GPR180: variants seen among roughly 807,000 people sequenced by gnomAD.
GPR180 encodes the protein integral membrane protein GPR180.
A neutral mutation model predicts 52.6 loss-of-function variants in GPR180; 53 were observed. That is an observed-to-expected ratio of 1.01 (90% CI 0.81 to 1.27). The LOEUF (loss-of-function observed/expected upper bound fraction) is 1.27, where lower values mean the gene tolerates loss of function less well. GPR180 is among the 50% of genes most tolerant of loss of function. GPR180 has a pLI of 0.00. For synonymous variants in GPR180, 200 were observed against 193.1 expected (o/e 1.04, Z -0.30); for missense variants, 533 against 527.0 (o/e 1.01, Z -0.11).
chr13:94,607,244 G>C (rs150239230), intron 2 of GPR180, among the ~76,000 whole-genome samples: 4 of 152,268 alleles, frequency 2.6e-5, no homozygotes, highest in African/African-American at 9.6e-5. Context: ...AGTCTCCTAC[G>C]TGGTTATTTT....
chr13:94,601,974 G>A lies in GPR180; in HGVS notation c.47G>A (p.Trp16Ter). Residue 16 changes from tryptophan (W) to a stop codon, truncating the protein, a stop_gained, in exon 1 of 9, where the codon TGG becomes TAG. Coordinates refer to ENST00000376958, the MANE Select transcript of GPR180 (RefSeq NM_180989.6). LOFTEE classifies it high-confidence loss of function. ...LLAVALTCCW[W>*]PQGSQGKTLR... The stretch of plus-strand genomic sequence containing the variant: ...GCTGTGGCCCTCACGTGCTGCTGGT[G>A]GCCGCAGGGCAGCCAGGGTAAGACC... 6.7e-7 allele frequency: 1 copy of A among 1,496,064 alleles called. No homozygotes were observed. The highest frequency in any genetic ancestry group is 8.9e-7 in the Non-Finnish European group (1 of 1,127,976). The allele number at this position is 1,496,064 out of a possible 1,614,324, so 92.7% of individuals were successfully genotyped here. A position where few individuals can be genotyped will look rare whatever the true frequency, so the allele number is the denominator to read the frequency against.
At chr13:94,616,448 C>T (rs1174406928) in intron 3 of GPR180, among the ~76,000 whole-genome samples, 1 of 152,166 alleles carries the variant, frequency 6.6e-6, no homozygotes, top group Admixed American at 6.5e-5. Flanking sequence ...AGGACCCTTT[C>T]CCCTTAGGCT....
At chr13:94,613,883 T>A (rs1566978722) in intron 3 of GPR180, among the ~76,000 whole-genome samples, 5 of 150,732 alleles carry the variant, frequency 3.3e-5, no homozygotes, top group South Asian at 2.1e-4. Context: ...TTTTTTTTTT[T>A]AATTTTATTT....
chr13:94,619,577 T>C, intron 5 of GPR180, 60 bp downstream of exon 5: 1 of 1,351,776 alleles, frequency 7.4e-7, no homozygotes, highest in South Asian at 1.3e-5. Context: ...GCTTTTTTTT[T>C]ATTTCTTGTC....
chr13:94,616,533 T>C (rs542388545), intron 3 of GPR180, among the ~76,000 whole-genome samples: 6 of 152,318 alleles, frequency 3.9e-5, no homozygotes, highest in African/African-American at 1.4e-4. Context: ...TTCTTGCTAC[T>C]TTATTTTGCC....
At position 94,631,191 on chromosome 13, in the gene GPR180, G is replaced by C. The variant is rs1394592127; in HGVS notation, c.*4020G>C. 6.6e-6 allele frequency: 1 copy of C among 152,118 alleles called. No individual in the cohort carries two copies. Among genetic ancestry groups the C allele is most frequent in the Non-Finnish European group, 1.5e-5 (1 of 68,070 alleles). The allele number at this position is 152,118 out of a possible 1,614,324, so 9.4% of individuals were successfully genotyped here. ...CTGGACAACTCCATCATTCACACTGGAGGATTAGAGGCAGGGAGAGACCTG... is the reference window on the plus strand; with the variant it reads ...CTGGACAACTCCATCATTCACACTGCAGGATTAGAGGCAGGGAGAGACCTG... On this transcript the variant is annotated 3_prime_UTR_variant, in exon 9 of 9. Transcript: ENST00000376958.
intron 3 of GPR180, among the ~76,000 whole-genome samples, chr13:94,612,811 T>C (rs1430480720): frequency 6.6e-6 from 1 of 152,236 alleles, no homozygotes; most frequent in Non-Finnish European, 1.5e-5. Flanking sequence ...AATTAAACAA[T>C]TTAAATTGTT....
At chr13:94,624,924 T>C (rs550285485) in intron 7 of GPR180, among the ~76,000 whole-genome samples, 4 of 152,166 alleles carry the variant, frequency 2.6e-5, no homozygotes, top group African/African-American at 9.6e-5. Flanking sequence ...TTCCATCTCC[T>C]GGGGTCAAGC....
rs759313021 is a variant in GPR180, at chr13:94,619,125, C to T, written c.506-25C>T. On this transcript the variant is annotated intron_variant, in intron 3 of 8. Coordinates refer to ENST00000376958, the MANE Select transcript of GPR180 (RefSeq NM_180989.6). The stretch of plus-strand genomic sequence containing the variant: ...GATAACTGGCTTTGTTTTACTGAAG[C>T]AAACTCCCTTTCTTCTCTTCACAGG... The T allele has an allele frequency of 3.8e-6, 6 of 1,587,318 alleles. No homozygotes were observed. In the African/African-American group the frequency reaches 5.4e-5, roughly 14 times the overall value.
chr13:94,621,584 G>A (rs184386824), intron 6 of GPR180, among the ~76,000 whole-genome samples: 1 of 152,016 alleles, frequency 6.6e-6, no homozygotes, highest in Non-Finnish European at 1.5e-5. Context: ...TCTAGCACAT[G>A]GTAAGTACTT....
At chr13:94,604,851 G>C (rs927591714) in intron 1 of GPR180, among the ~76,000 whole-genome samples, 1 of 152,000 alleles carries the variant, frequency 6.6e-6, no homozygotes, top group African/African-American at 2.4e-5. Flanking sequence ...CTGGGATTAC[G>C]GGTGTGGCCA....
In GPR180 at chr13:94,601,906, C is replaced by G. The variant is rs553956399; in HGVS notation, c.-22C>G. The stretch of plus-strand genomic sequence containing the variant: ...CGCCGGCGGCTGGGAGCCGAGGCGT[C>G]GGTGCAGACCTGGAGACGGGCATGG... On this transcript the variant is annotated 5_prime_UTR_variant, in exon 1 of 9. Coordinates refer to ENST00000376958, the MANE Select transcript of GPR180 (RefSeq NM_180989.6). The G allele has an allele frequency of 1.4e-6, 2 of 1,408,630 alleles. No individual in the cohort carries two copies. The highest frequency in any genetic ancestry group is 3.0e-5 in the South Asian group (2 of 65,820). 87.3% of individuals were successfully genotyped at this position (1,408,630 alleles called of 1,614,324 possible). A position where few individuals can be genotyped will look rare whatever the true frequency, so the allele number is the denominator to read the frequency against.
rs1566975812 is a variant in GPR180 at position 94,605,429 on chromosome 13, G to C, written c.184G>C (p.Ala62Pro). 6.2e-7 allele frequency: 1 copy of C among 1,614,008 alleles called. No homozygotes were observed. The highest frequency in any genetic ancestry group is 8.5e-7 in the Non-Finnish European group (1 of 1,179,960). Reference sequence around the variant, plus strand: ...TCTGTGTGTCAGAATCAACAACATAGCAGTAGCTGTTGGAAAAGAAGCTAA... The same window carrying C: ...TCTGTGTGTCAGAATCAACAACATACCAGTAGCTGTTGGAAAAGAAGCTAA... ...ALLCVRINNI[A>P]VAVGKEAKLY... The change falls in exon 2 of 9, where the codon GCA becomes CCA. Residue 62 changes from alanine to proline, a missense_variant. Ala to Pro is a conservative substitution (Grantham distance 27, BLOSUM62 -1). Transcript: ENST00000376958.
intron 7 of GPR180, among the ~76,000 whole-genome samples, chr13:94,625,530 C>G (rs1295311136): frequency 6.6e-6 from 1 of 152,126 alleles, no homozygotes; most frequent in African/African-American, 2.4e-5. Context: ...CCAGCTCCCC[C>G]TCCTCTGTTC....
At chr13:94,604,294 A>T (rs1312454884) in intron 1 of GPR180, among the ~76,000 whole-genome samples, 1 of 151,714 alleles carries the variant, frequency 6.6e-6, no homozygotes, top group Non-Finnish European at 1.5e-5. Context: ...AGATCGTGCC[A>T]TTGCACTCCA....
chr13:94,601,891 T>TG lies in GPR180; in HGVS notation c.-34dup. On this transcript the variant is annotated 5_prime_UTR_variant, in exon 1 of 9. Coordinates refer to ENST00000376958, the MANE Select transcript of GPR180 (RefSeq NM_180989.6). ...CGTGGGGCGGGCAGCCGCCGGCGGC[T>TG]GGGAGCCGAGGCGTCGGTGCAGACC... The TG allele has an allele frequency of 2.2e-6, 3 of 1,355,836 alleles. No homozygotes were observed. The highest frequency in any genetic ancestry group is 1.9e-6 in the Non-Finnish European group (2 of 1,053,162). The allele number at this position is 1,355,836 out of a possible 1,614,324, so 84.0% of individuals were successfully genotyped here. A position where few individuals can be genotyped will look rare whatever the true frequency, so the allele number is the denominator to read the frequency against.
chr13:94,632,895 C>A lies in GPR180; in HGVS notation c.*5724C>A, dbSNP rs1300695668. On this transcript the variant is annotated 3_prime_UTR_variant, in exon 9 of 9. Coordinates refer to ENST00000376958, the MANE Select transcript of GPR180 (RefSeq NM_180989.6). The stretch of plus-strand genomic sequence containing the variant: ...TCAATTAATCATGCCTGTCATGAAA[C>A]CCCGAGAGAAACTCTGGTCAGTGAT... 3 of 152,166 alleles carry A rather than the reference C, an allele frequency of 2.0e-5. No homozygotes were observed. Among genetic ancestry groups the A allele is most frequent in the Non-Finnish European group, 4.4e-5 (3 of 68,056 alleles). The allele number at this position is 152,166 out of a possible 1,614,324, so 9.4% of individuals were successfully genotyped here.
intron 3 of GPR180, 80 bp downstream of exon 3, chr13:94,612,470 C>A (rs890728474): frequency 2.4e-5 from 27 of 1,108,758 alleles, no homozygotes; most frequent in African/African-American, 1.3e-4. Flanking sequence ...TTTTTAAAAT[C>A]AAAAATGAAA....
At chr13:94,618,448 A>T (rs1889809158) in intron 3 of GPR180, among the ~76,000 whole-genome samples, 1 of 61,178 alleles carries the variant, frequency 1.6e-5, no homozygotes, top group African/African-American at 1.8e-4. Context: ...TTTTTTGGCA[A>T]GAGCTGCAGA....
Sources: allele counts gnomAD v4.1 joint callset (sites outside exome capture counted in the v4.1 genomes callset), GRCh38; gene constraint gnomAD v4.1.1; transcripts MANE v1.5; gene names NCBI Gene and HGNC (gene_info 2026-07-23, HGNC 2026-07-21).